The following ST6GALNAC5 variants were observed in gnomAD, a reference collection of about 807,000 sequenced individuals.
ST6GALNAC5 encodes alpha-N-acetylgalactosaminide alpha-2,6-sialyltransferase 5.
A neutral mutation model predicts 33.6 loss-of-function variants in ST6GALNAC5; 27 were observed. The ratio of observed to expected loss-of-function variants is 0.80; its 90% confidence interval spans 0.59 to 1.11. The LOEUF is 1.11. ST6GALNAC5 is among the 50% of genes least tolerant of loss of function. The pLI, the probability that ST6GALNAC5 is intolerant of heterozygous loss-of-function variation, is 0.00. For synonymous variants in ST6GALNAC5, 194 were observed against 171.2 expected, an observed-to-expected ratio of 1.13 and a Z score of -1.04; for missense variants, 428 against 454.0, an observed-to-expected ratio of 0.94 and a Z score of 0.52.
At chr1:76,934,578 G>A (rs1222940687) in intron 2 of ST6GALNAC5, among the ~76,000 whole-genome samples, 1 of 152,038 alleles carries the variant, frequency 6.6e-6, no homozygotes, top group Non-Finnish European at 1.5e-5. Flanking sequence ...GTTATTGATA[G>A]CAATGCCTTT....
chr1:76,919,507 T>C (rs560512687), intron 2 of ST6GALNAC5, among the ~76,000 whole-genome samples: 243 of 152,290 alleles, frequency 1.6e-3, no homozygotes, highest in Middle Eastern at 6.8e-3. Flanking sequence ...ACACTCCCTC[T>C]GTTAAAGGAC....
At chr1:76,969,817 C>T (rs577365570) in intron 2 of ST6GALNAC5, among the ~76,000 whole-genome samples, 178 of 152,142 alleles carry the variant, frequency 1.2e-3, no homozygotes, top group African/African-American at 4.0e-3. Flanking sequence ...CCCTCTGGGA[C>T]GAAGCTTCCA....
chr1:77,047,957 G>T (rs188547875), intron 3 of ST6GALNAC5, among the ~76,000 whole-genome samples: 12 of 152,264 alleles, frequency 7.9e-5, no homozygotes, highest in Middle Eastern at 3.4e-3. Flanking sequence ...TCCTTTGTTA[G>T]AAAAAGAGTT....
intron 2 of ST6GALNAC5, among the ~76,000 whole-genome samples, chr1:76,992,417 C>T (rs1049334469): frequency 1.3e-5 from 2 of 152,150 alleles, no homozygotes; most frequent in Non-Finnish European, 2.9e-5. Context: ...CTTCCTGCCT[C>T]CAAATATTCC....
At chr1:76,979,418 A>C (rs1417047131) in intron 2 of ST6GALNAC5, among the ~76,000 whole-genome samples, 1 of 152,240 alleles carries the variant, frequency 6.6e-6, no homozygotes, top group East Asian at 1.9e-4. Flanking sequence ...TGGTACTGGC[A>C]TAAAAACAGA....
intron 2 of ST6GALNAC5, among the ~76,000 whole-genome samples, chr1:76,907,782 T>A (rs1428515234): frequency 6.6e-6 from 1 of 152,190 alleles, no homozygotes; most frequent in Non-Finnish European, 1.5e-5. Context: ...GCACTTTGTC[T>A]TGACCTCTGC....
chr1:77,047,371 C>T (rs1652054091), intron 3 of ST6GALNAC5, among the ~76,000 whole-genome samples: 1 of 152,198 alleles, frequency 6.6e-6, no homozygotes, highest in African/African-American at 2.4e-5. Context: ...TGGTATTTCT[C>T]AATGTATGCT....
rs1469398589 is a variant in ST6GALNAC5 at position 77,066,461 on chromosome 1, AT to A, written c.*3257del. On this transcript the variant is annotated 3_prime_UTR_variant, in exon 5 of 5. Transcript: ENST00000477717. ...ATAAAAACTCCCCTCAAAAATTAAA[AT>A]TACCGACTTAGAAGATGATAAATGC... Among the ~76,000 whole-genome samples, 1 of 152,206 alleles carries A rather than the reference AT, an allele frequency of 6.6e-6. No homozygotes were observed. The highest frequency in any genetic ancestry group is 1.5e-5 in the Non-Finnish European group (1 of 68,040).
intron 2 of ST6GALNAC5, among the ~76,000 whole-genome samples, chr1:76,913,248 C>T (rs1193605355): frequency 1.3e-5 from 2 of 151,592 alleles, no homozygotes; most frequent in Admixed American, 1.3e-4. Flanking sequence ...ATATTGGCCC[C>T]CACTCTCTTC....
chr1:77,008,732 G>A (rs1570090803), intron 2 of ST6GALNAC5, among the ~76,000 whole-genome samples: 1 of 152,272 alleles, frequency 6.6e-6, no homozygotes, highest in East Asian at 1.9e-4. Flanking sequence ...GTTTCACCAT[G>A]TTGGTCAGGC....
chr1:77,042,570 C>T (rs774273626), intron 2 of ST6GALNAC5, among the ~76,000 whole-genome samples: 13 of 152,168 alleles, frequency 8.5e-5, no homozygotes, highest in Non-Finnish European at 1.8e-4. Flanking sequence ...ACTTATTGTA[C>T]AATTACTTTA....
At chr1:76,948,165 G>A (rs148812571) in intron 2 of ST6GALNAC5, among the ~76,000 whole-genome samples, 48 of 152,274 alleles carry the variant, frequency 3.2e-4, no homozygotes, top group African/African-American at 1.1e-3. Context: ...CATGAGGCGT[G>A]TCTATAAGGG....
chr1:76,989,117 C>T (rs1299129801), intron 2 of ST6GALNAC5, among the ~76,000 whole-genome samples: 2 of 152,040 alleles, frequency 1.3e-5, no homozygotes, highest in Non-Finnish European at 2.9e-5. Context: ...ATCTTTGAAG[C>T]CCAGCAACTT....
chr1:77,048,732 A>G (rs1462172625), intron 3 of ST6GALNAC5, among the ~76,000 whole-genome samples: 2 of 152,216 alleles, frequency 1.3e-5, no homozygotes, highest in African/African-American at 2.4e-5. Context: ...TGATTGCTCA[A>G]CCTAGAAACT....
chr1:76,913,207 G>C (rs1325212335), intron 2 of ST6GALNAC5, among the ~76,000 whole-genome samples: 1 of 151,526 alleles, frequency 6.6e-6, no homozygotes, highest in Non-Finnish European at 1.5e-5. Flanking sequence ...TGAAATTCTG[G>C]GTTGAAAATT....
At chr1:76,978,621 A>C (rs1169409958) in intron 2 of ST6GALNAC5, among the ~76,000 whole-genome samples, 1 of 152,252 alleles carries the variant, frequency 6.6e-6, no homozygotes, top group Non-Finnish European at 1.5e-5. Context: ...TCAAAGGAAC[A>C]TGCTTGAACA....
At chr1:76,989,535 T>C (rs1349638250) in intron 2 of ST6GALNAC5, among the ~76,000 whole-genome samples, 3 of 152,160 alleles carry the variant, frequency 2.0e-5, no homozygotes, top group Admixed American at 6.5e-5. Context: ...TTGCCTTTTT[T>C]CCCTTTTGTC....
intron 2 of ST6GALNAC5, among the ~76,000 whole-genome samples, chr1:76,990,549 G>A (rs1649683507): frequency 6.6e-6 from 1 of 152,066 alleles, no homozygotes; most frequent in African/African-American, 2.4e-5. Flanking sequence ...CTTGGTGCTG[G>A]CTCCAAGGCT....
In ST6GALNAC5 at chr1:76,867,516, G is replaced by C. The variant is rs1450174952; in HGVS notation, c.-160G>C. 7 of 1,061,594 alleles carry C rather than the reference G, an allele frequency of 6.6e-6. No individual in the cohort carries two copies. The highest frequency in any genetic ancestry group is 1.8e-5 in the Admixed American group (1 of 57,102). The allele number at this position is 1,061,594 out of a possible 1,614,324, so 65.8% of individuals were successfully genotyped here. ...TGTCTCTAATCTCTGCAACAGCCGC[G>C]CTTCCCGGGTCCCGCGGCTCCCGCG... On this transcript the variant is annotated 5_prime_UTR_variant, in exon 1 of 5. Coordinates refer to ENST00000477717, the MANE Select transcript of ST6GALNAC5 (RefSeq NM_030965.3).
Sources: allele counts gnomAD v4.1 joint callset (sites outside exome capture counted in the v4.1 genomes callset), GRCh38; gene constraint gnomAD v4.1.1; transcripts MANE v1.5; gene names NCBI Gene and HGNC (gene_info 2026-07-23, HGNC 2026-07-21).